Variants in DNAJC1 observed in about 807,000 individuals in gnomAD.
The protein encoded by DNAJC1 is dnaJ homolog subfamily C member 1.
A neutral mutation model predicts 76.6 loss-of-function variants in DNAJC1; 58 were observed. The observed-to-expected ratio is 0.76, with a 90% CI of 0.61 to 0.94. DNAJC1 has a LOEUF of 0.94. Among genes scored for constraint, DNAJC1 ranks in the 40% least tolerant of loss-of-function variants. DNAJC1 has a pLI of 0.00. For synonymous variants in DNAJC1, 258 were observed against 267.9 expected, an observed-to-expected ratio of 0.96 and a Z score of 0.36; for missense variants, 689 against 677.3, an observed-to-expected ratio of 1.02 and a Z score of -0.19.
intron 11 of DNAJC1, among the ~76,000 whole-genome samples, chr10:21,757,119 GC>G: frequency 6.6e-6 from 1 of 152,324 alleles, no homozygotes; most frequent in East Asian, 1.9e-4. Context: ...AAACCCTGGG[GC>G]CAGGTAGCCT....
chr10:21,790,010 TAAAAA>T (rs35639440), intron 9 of DNAJC1, among the ~76,000 whole-genome samples: 2 of 41,092 alleles, frequency 4.9e-5, no homozygotes, highest in Non-Finnish European at 7.7e-5. Context: ...GCTCTGTCTT[TAAAAA>T]AAAAAAAAAA....
chr10:21,915,625 CT>C (rs1330535085), intron 6 of DNAJC1, among the ~76,000 whole-genome samples: 7 of 152,144 alleles, frequency 4.6e-5, no homozygotes, highest in African/African-American at 1.7e-4. Flanking sequence ...TTACTGTATA[CT>C]TATAAGAGCT....
At chr10:21,881,880 C>T (rs972250681) in intron 8 of DNAJC1, among the ~76,000 whole-genome samples, 2 of 147,798 alleles carry the variant, frequency 1.4e-5, no homozygotes, top group African/African-American at 2.5e-5. Context: ...ACCGGCCAGG[C>T]ACGGTGGCTC....
chr10:21,920,924 T>C lies in DNAJC1; in HGVS notation c.411A>G (p.Arg137=). Residue 137 remains arginine (R), a synonymous_variant, in exon 4 of 12, where the codon CGA becomes CGG. Transcript: ENST00000376980. The part of the protein sequence containing the change: ...DILINGLPDW[R]QPVFYYRRVR... The stretch of plus-strand genomic sequence containing the variant: ...CCCGCCTGTAGTAGAATACAGGCTG[T>C]CGCCAATCTGGAAGTCCATTGATCA... The C allele has an allele frequency of 6.2e-7, 1 of 1,612,190 alleles. No individual in the cohort carries two copies. Among genetic ancestry groups the C allele is most frequent in the Non-Finnish European group, 8.5e-7 (1 of 1,178,802 alleles).
At chr10:21,912,392 C>G (rs1283567037) in intron 6 of DNAJC1, among the ~76,000 whole-genome samples, 1 of 152,088 alleles carries the variant, frequency 6.6e-6, no homozygotes, top group Non-Finnish European at 1.5e-5. Flanking sequence ...CTAGCAATAA[C>G]TTACAAAACT....
chr10:21,813,070 CAT>C (rs1278178220), intron 8 of DNAJC1, among the ~76,000 whole-genome samples: 7 of 110,298 alleles, frequency 6.3e-5, no homozygotes, highest in East Asian at 6.1e-4. Flanking sequence ...TACATATATA[CAT>C]ATATATACAT....
chr10:21,938,003 A>T (rs1474707254), intron 1 of DNAJC1, among the ~76,000 whole-genome samples: 1 of 152,150 alleles, frequency 6.6e-6, no homozygotes, highest in African/African-American at 2.4e-5. Context: ...TAAAAGAATA[A>T]AACTGAAAAG....
intron 1 of DNAJC1, among the ~76,000 whole-genome samples, chr10:21,943,111 C>A (rs1020782070): frequency 6.6e-6 from 1 of 151,304 alleles, no homozygotes. Flanking sequence ...TATTTTACAT[C>A]AAAATCTATG....
intron 8 of DNAJC1, among the ~76,000 whole-genome samples, chr10:21,862,208 G>A (rs767100964): frequency 9.9e-5 from 15 of 151,440 alleles, no homozygotes; most frequent in Admixed American, 4.0e-4. Flanking sequence ...GTGAGCCACC[G>A]CACCCAGCCC....
chr10:21,890,216 C>T (rs1342120166), intron 7 of DNAJC1, among the ~76,000 whole-genome samples: 1 of 151,802 alleles, frequency 6.6e-6, no homozygotes, highest in Non-Finnish European at 1.5e-5. Flanking sequence ...AGTTCAAGAC[C>T]AGCCTGGCCA....
chr10:21,853,718 C>T (rs1835788961), intron 8 of DNAJC1, among the ~76,000 whole-genome samples: 1 of 139,726 alleles, frequency 7.2e-6, no homozygotes, highest in African/African-American at 2.7e-5. Flanking sequence ...TGCTTGAACC[C>T]AGGAGGCAGT....
At chr10:21,811,741 G>C (rs1276074195) in intron 8 of DNAJC1, among the ~76,000 whole-genome samples, 1 of 152,076 alleles carries the variant, frequency 6.6e-6, no homozygotes, top group Admixed American at 6.5e-5. Flanking sequence ...CATAAGGCTA[G>C]TTTATGAATG....
chr10:21,779,761 T>C (rs929442912), intron 9 of DNAJC1, among the ~76,000 whole-genome samples: 3 of 151,940 alleles, frequency 2.0e-5, no homozygotes, highest in African/African-American at 4.8e-5. Context: ...CTTTGATGAG[T>C]TGAGAGAAGA....
intron 7 of DNAJC1, among the ~76,000 whole-genome samples, chr10:21,886,402 T>C (rs1049863185): frequency 6.6e-6 from 1 of 151,968 alleles, no homozygotes; most frequent in Admixed American, 6.6e-5. Context: ...CTACCAGATG[T>C]ACAAACAGCT....
chr10:21,885,628 G>A (rs571148928), intron 7 of DNAJC1, among the ~76,000 whole-genome samples: 14 of 152,062 alleles, frequency 9.2e-5, no homozygotes, highest in East Asian at 7.7e-4. Flanking sequence ...AACCAAAACC[G>A]TATTAAACAC....
chr10:21,787,143 C>T (rs1253924917), intron 9 of DNAJC1, among the ~76,000 whole-genome samples: 1 of 152,030 alleles, frequency 6.6e-6, no homozygotes, highest in Non-Finnish European at 1.5e-5. Flanking sequence ...GCCTAGCCAA[C>T]ATGGTGAAAC....
chr10:21,908,318 A>C (rs1309450645), intron 6 of DNAJC1, among the ~76,000 whole-genome samples: 1 of 134,824 alleles, frequency 7.4e-6, no homozygotes, highest in Non-Finnish European at 1.5e-5. Flanking sequence ...AATTACCTGA[A>C]AATGAAATCG....
intron 6 of DNAJC1, among the ~76,000 whole-genome samples, chr10:21,908,493 G>A (rs1359701549): frequency 1.3e-5 from 2 of 148,604 alleles, no homozygotes; most frequent in Non-Finnish European, 3.0e-5. Flanking sequence ...TTTTCATGGG[G>A]GGGGGGTGAA....
chr10:21,846,071 T>A (rs1038599290), intron 8 of DNAJC1, among the ~76,000 whole-genome samples: 1 of 152,198 alleles, frequency 6.6e-6, no homozygotes, highest in African/African-American at 2.4e-5. Flanking sequence ...GGTAGACTGG[T>A]ATAATGATTA....
Sources: gnomAD v4.1 joint callset for allele counts (sites outside exome capture counted in the v4.1 genomes callset) on GRCh38, gnomAD v4.1.1 for gene constraint, MANE v1.5 for transcripts, NCBI Gene and HGNC (gene_info 2026-07-23, HGNC 2026-07-21) for gene names.